NAALADL2: variants seen among roughly 807,000 people sequenced by gnomAD.
The protein encoded by NAALADL2 is N-acetylated alpha-linked acidic dipeptidase like 2.
A neutral mutation model predicts 87.2 loss-of-function variants in NAALADL2; 76 were observed. The observed-to-expected ratio is 0.87, with a 90% CI of 0.72 to 1.05. The LOEUF (loss-of-function observed/expected upper bound fraction) is 1.05. Ranked by LOEUF, NAALADL2 falls within the 50% of genes least tolerant of loss-of-function variation. The pLI, the probability that NAALADL2 is intolerant of heterozygous loss-of-function variation, is 0.00. For missense variants in NAALADL2, 1,089 were observed against 945.8 expected, an observed-to-expected ratio of 1.15 and a Z score of -1.99; for synonymous variants, 354 against 331.0, an observed-to-expected ratio of 1.07 and a Z score of -0.75.
intron 1 of NAALADL2, among the ~76,000 whole-genome samples, chr3:175,013,297 A>G (rs200348680): frequency 6.4e-5 from 5 of 77,546 alleles, no homozygotes; most frequent in South Asian, 3.6e-4. Context: ...ATATATATAT[A>G]TATATTTTTT....
At chr3:174,507,801 T>A (rs549896402) in intron 1 of NAALADL2, among the ~76,000 whole-genome samples, 1 of 152,256 alleles carries the variant, frequency 6.6e-6, no homozygotes, top group East Asian at 1.9e-4. Context: ...TATGAACATT[T>A]AGGTATCATG....
intron 1 of NAALADL2, among the ~76,000 whole-genome samples, chr3:174,919,582 A>C (rs1209946720): frequency 6.6e-6 from 1 of 152,146 alleles, no homozygotes; most frequent in Non-Finnish European, 1.5e-5. Context: ...CCACATCTGA[A>C]GTTATCTCCT....
chr3:175,250,482 T>C (rs934171063), intron 3 of NAALADL2, among the ~76,000 whole-genome samples: 1 of 152,200 alleles, frequency 6.6e-6, no homozygotes, highest in African/African-American at 2.4e-5. Context: ...TCAGAGATTC[T>C]GGTTTGATAG....
chr3:175,303,891 A>G (rs748320114), intron 4 of NAALADL2, among the ~76,000 whole-genome samples: 1 of 152,148 alleles, frequency 6.6e-6, no homozygotes, highest in Non-Finnish European at 1.5e-5. Flanking sequence ...TATGAAGCCA[A>G]TAGGACAGCA....
chr3:175,339,430 G>C (rs1762361728), intron 5 of NAALADL2, among the ~76,000 whole-genome samples: 1 of 152,126 alleles, frequency 6.6e-6, no homozygotes, highest in South Asian at 2.1e-4. Context: ...GATCTTAGAG[G>C]TTATAAATAC....
intron 1 of NAALADL2, among the ~76,000 whole-genome samples, chr3:174,546,300 T>G (rs1384275975): frequency 6.6e-6 from 1 of 152,150 alleles, no homozygotes; most frequent in Non-Finnish European, 1.5e-5. Flanking sequence ...AACTTTGCAC[T>G]TGGTATTCCC....
intron 2 of NAALADL2, among the ~76,000 whole-genome samples, chr3:174,676,242 T>G (rs1727021737): frequency 6.6e-6 from 1 of 152,068 alleles, no homozygotes; most frequent in African/African-American, 2.4e-5. Context: ...GATTTAAAAA[T>G]ATTTAAAACA....
intron 2 of NAALADL2, among the ~76,000 whole-genome samples, chr3:175,190,528 A>G (rs1307845619): frequency 6.6e-6 from 1 of 152,202 alleles, no homozygotes. Flanking sequence ...TCTATTATCT[A>G]AAAGTCAAGA....
At chr3:174,465,615 T>C (rs979052874) in intron 1 of NAALADL2, among the ~76,000 whole-genome samples, 2 of 152,186 alleles carry the variant, frequency 1.3e-5, no homozygotes, top group Non-Finnish European at 2.9e-5. Context: ...AATTACAGCA[T>C]AAAAATAAGA....
intron 1 of NAALADL2, among the ~76,000 whole-genome samples, chr3:174,912,367 GC>G (rs936489274): frequency 2.0e-5 from 3 of 151,286 alleles, no homozygotes; most frequent in Admixed American, 6.6e-5. Flanking sequence ...CCTTGCAGTT[GC>G]TGAGGTAACT....
intron 1 of NAALADL2, among the ~76,000 whole-genome samples, chr3:174,475,650 G>T (rs1282765847): frequency 6.6e-6 from 1 of 151,942 alleles, no homozygotes; most frequent in African/African-American, 2.4e-5. Flanking sequence ...AGACACAGTA[G>T]TAACTGCTAA....
At chr3:174,611,742 C>T (rs531861106) in intron 2 of NAALADL2, among the ~76,000 whole-genome samples, 2 of 151,846 alleles carry the variant, frequency 1.3e-5, no homozygotes, top group African/African-American at 4.8e-5. Context: ...AGGTGCATGC[C>T]GCCACGCCTG....
intron 5 of NAALADL2, among the ~76,000 whole-genome samples, chr3:175,409,785 T>G (rs764160330): frequency 1.3e-5 from 2 of 152,042 alleles, no homozygotes; most frequent in Non-Finnish European, 2.9e-5. Flanking sequence ...TATTTAATGA[T>G]GTATAAACTT....
At chr3:174,826,053 GACAACAACA>G (rs890058578) in intron 3 of NAALADL2, among the ~76,000 whole-genome samples, 1 of 112,748 alleles carries the variant, frequency 8.9e-6, no homozygotes, top group Non-Finnish European at 1.9e-5. Context: ...CAACAACAAC[GACAACAACA>G]ACAACAACAA....
chr3:174,673,777 A>G (rs1004586800), intron 2 of NAALADL2, among the ~76,000 whole-genome samples: 1 of 152,040 alleles, frequency 6.6e-6, no homozygotes, highest in African/African-American at 2.4e-5. Flanking sequence ...TATACTCTAT[A>G]TTTCAAAATA....
At chr3:174,695,442 T>C (rs1044310962) in intron 2 of NAALADL2, among the ~76,000 whole-genome samples, 5 of 152,022 alleles carry the variant, frequency 3.3e-5, no homozygotes, top group Non-Finnish European at 7.4e-5. Context: ...CAGTAACTCT[T>C]CTGCTTTCTG....
intron 11 of NAALADL2, among the ~76,000 whole-genome samples, chr3:175,710,000 G>A (rs1287929933): frequency 1.3e-5 from 2 of 151,900 alleles, no homozygotes; most frequent in African/African-American, 4.8e-5. Context: ...AGAAAATAGG[G>A]AAAAGACAAA....
chr3:175,160,532 A>G (rs1203725048), intron 2 of NAALADL2, among the ~76,000 whole-genome samples: 1 of 151,644 alleles, frequency 6.6e-6, no homozygotes, highest in Non-Finnish European at 1.5e-5. Context: ...TTGTATTTTT[A>G]ATAGAGACGG....
At chr3:174,822,888 C>G (rs1721585239) in intron 3 of NAALADL2, among the ~76,000 whole-genome samples, 1 of 152,076 alleles carries the variant, frequency 6.6e-6, no homozygotes, top group Admixed American at 6.5e-5. Flanking sequence ...TTCTCCTTGT[C>G]AAAAGCACTT....
Sources: gnomAD v4.1 joint callset for allele counts (sites outside exome capture counted in the v4.1 genomes callset) on GRCh38, gnomAD v4.1.1 for gene constraint, MANE v1.5 for transcripts, NCBI Gene and HGNC (gene_info 2026-07-23, HGNC 2026-07-21) for gene names.